The following RAB3C variants were observed in gnomAD, a reference collection of about 807,000 sequenced individuals.
The protein encoded by RAB3C is RAB3C, member RAS oncogene family.
A neutral mutation model predicts 26.4 loss-of-function variants in RAB3C; 17 were observed. That is an observed-to-expected ratio of 0.64 (90% CI 0.44 to 0.97). The LOEUF (loss-of-function observed/expected upper bound fraction) is 0.97, where lower values mean the gene tolerates loss of function less well. Among genes scored for constraint, RAB3C ranks in the 50% least tolerant of loss-of-function variants. The pLI is 0.00. For missense variants in RAB3C, 242 were observed against 281.9 expected, an observed-to-expected ratio of 0.86 and a Z score of 1.01; for synonymous variants, 91 against 95.9, an observed-to-expected ratio of 0.95 and a Z score of 0.30.
At chr5:58,669,255 T>C (rs1411355823) in intron 2 of RAB3C, among the ~76,000 whole-genome samples, 1 of 152,210 alleles carries the variant, frequency 6.6e-6, no homozygotes, top group African/African-American at 2.4e-5. Flanking sequence ...ATGTGTCCTG[T>C]GTTTTTGCTA....
At position 58,858,580 on chromosome 5, in the gene RAB3C, A is replaced by G. The variant is rs186699223; in HGVS notation, c.*7229A>G. 3.9e-5 allele frequency: 6 copies of G among 152,330 alleles called. No individual in the cohort carries two copies. The highest frequency in any genetic ancestry group is 2.6e-4 in the Admixed American group (4 of 15,292). 9.4% of individuals were successfully genotyped at this position (152,330 alleles called of 1,614,324 possible). ...AACTGGAAGAGTCAGAGAGGGCTCC[A>G]TTGAAGAGGTCAAACATAATTCCGG... On this transcript the variant is annotated 3_prime_UTR_variant, in exon 5 of 5. Transcript: ENST00000282878.
chr5:58,730,821 TA>T lies in RAB3C; in HGVS notation c.371+4704del, dbSNP rs539246638. Among the ~76,000 whole-genome samples the T allele has an allele frequency of 7.6e-3, 1,157 of 152,248 alleles. 8 individuals carry two copies. The highest frequency in any genetic ancestry group is 0.013 in the Non-Finnish European group (860 of 68,006). On this transcript the variant is annotated intron_variant, in intron 3 of 4. Coordinates refer to ENST00000282878, the MANE Select transcript of RAB3C (RefSeq NM_138453.4). ...TATTAGTCTGTTCTCAAACTGATAA[TA>T]AAGACAGCCAAGACTGGGTAATTTA...
chr5:58,643,640 C>T (rs901348610), intron 2 of RAB3C, among the ~76,000 whole-genome samples: 1 of 152,066 alleles, frequency 6.6e-6, no homozygotes, highest in Admixed American at 6.5e-5. Flanking sequence ...TGCAATACTG[C>T]ACTCCAACAT....
Position 58,690,909 on chromosome 5 carries a change from G to C in RAB3C, c.253-35093G>C, listed in dbSNP as rs77648542. Reference sequence around the variant, plus strand: ...AGATTTGTAATAACTAATAAATCCAGTTACCACATTTAAAAAGTATAGCAA... The same window carrying C: ...AGATTTGTAATAACTAATAAATCCACTTACCACATTTAAAAAGTATAGCAA... On this transcript the variant is annotated intron_variant, in intron 2 of 4. Coordinates refer to ENST00000282878, the MANE Select transcript of RAB3C (RefSeq NM_138453.4). Among the ~76,000 whole-genome samples, 173 of 152,094 alleles carry C rather than the reference G, an allele frequency of 1.1e-3. 2 individuals are homozygous for C. In the East Asian group the frequency reaches 0.031, roughly 27 times the overall value.
chr5:58,712,008 C>G (rs1448590374), intron 2 of RAB3C, among the ~76,000 whole-genome samples: 3 of 152,140 alleles, frequency 2.0e-5, no homozygotes, highest in Non-Finnish European at 4.4e-5. Context: ...AGATGAACAT[C>G]AGTGTCAGCC....
intron 2 of RAB3C, among the ~76,000 whole-genome samples, chr5:58,645,064 A>G (rs1409873366): frequency 6.6e-6 from 1 of 152,222 alleles, no homozygotes; most frequent in African/African-American, 2.4e-5. Flanking sequence ...TTTCCCAGAG[A>G]GTGTTTGAGG....
chr5:58,838,812 T>C (rs1743806050), intron 4 of RAB3C, among the ~76,000 whole-genome samples: 1 of 152,228 alleles, frequency 6.6e-6, no homozygotes, highest in African/African-American at 2.4e-5. Context: ...ATTATATTAT[T>C]GAACTATTAT....
rs906241181 is a variant in RAB3C at position 58,855,618 on chromosome 5, A to C, written c.*4267A>C. The C allele has an allele frequency of 4.6e-5, 7 of 152,176 alleles. No individual in the cohort carries two copies. The highest frequency in any genetic ancestry group is 1.7e-4 in the African/African-American group (7 of 41,450). 9.4% of individuals were successfully genotyped at this position (152,176 alleles called of 1,614,324 possible). ...CTTCGCTTTAGTAGTTTGCCTGTAA[A>C]ATGGTGAAGTCTTTCTGATATGCTG... On this transcript the variant is annotated 3_prime_UTR_variant, in exon 5 of 5. Transcript: ENST00000282878.
At position 58,736,616 on chromosome 5, in the gene RAB3C, T is replaced by C. The variant is rs934682610; in HGVS notation, c.371+10496T>C. 7.2e-5 allele frequency among the ~76,000 whole-genome samples: 11 copies of C among 152,228 alleles called. No homozygotes were observed. In the East Asian group the frequency reaches 9.6e-4, roughly 13 times the overall value. On this transcript the variant is annotated intron_variant, in intron 3 of 4. Transcript: ENST00000282878. Reference sequence around the variant, plus strand: ...ACCAGTGCAGCCCATTGAAAACATCTTCACATTATCTTTTCTATATTAAAG... The same window carrying C: ...ACCAGTGCAGCCCATTGAAAACATCCTCACATTATCTTTTCTATATTAAAG...
At chr5:58,692,158 T>C (rs538856351) in intron 2 of RAB3C, among the ~76,000 whole-genome samples, 1 of 152,330 alleles carries the variant, frequency 6.6e-6, no homozygotes, top group East Asian at 1.9e-4. Flanking sequence ...AATAAGGTTG[T>C]ATATGCAATT....
chr5:58,802,717 C>G (rs1194340195), intron 3 of RAB3C, among the ~76,000 whole-genome samples: 2 of 152,116 alleles, frequency 1.3e-5, no homozygotes, highest in African/African-American at 2.4e-5. Context: ...TGAATTCACA[C>G]AGGTTTAGAT....
chr5:58,609,308 C>T (rs1317724652), intron 1 of RAB3C, among the ~76,000 whole-genome samples: 1 of 152,074 alleles, frequency 6.6e-6, no homozygotes, highest in Non-Finnish European at 1.5e-5. Flanking sequence ...TTACATTTTA[C>T]CTTCAGGAGC....
intron 3 of RAB3C, among the ~76,000 whole-genome samples, chr5:58,732,839 A>G (rs145942534): frequency 1.7e-4 from 26 of 152,248 alleles, no homozygotes; most frequent in South Asian, 8.3e-4. Flanking sequence ...AATTCTTTCT[A>G]GTTTCTGAAC....
At chr5:58,703,141 T>C (rs2111882934) in intron 2 of RAB3C, among the ~76,000 whole-genome samples, 1 of 152,326 alleles carries the variant, frequency 6.6e-6, no homozygotes, top group East Asian at 1.9e-4. Context: ...GCAGCCAAAT[T>C]TGGACTCTCC....
intron 2 of RAB3C, among the ~76,000 whole-genome samples, chr5:58,720,126 A>G (rs950184171): frequency 3.9e-5 from 6 of 151,918 alleles, no homozygotes; most frequent in Non-Finnish European, 7.4e-5. Flanking sequence ...TTAAATTGCT[A>G]TGCTGTCTAG....
chr5:58,654,915 T>C (rs1406922083), intron 2 of RAB3C, among the ~76,000 whole-genome samples: 1 of 152,180 alleles, frequency 6.6e-6, no homozygotes, highest in East Asian at 1.9e-4. Flanking sequence ...TATATTTCTG[T>C]AGGTGAGACA....
At chr5:58,737,414 T>C (rs1254354287) in intron 3 of RAB3C, among the ~76,000 whole-genome samples, 3 of 83,294 alleles carry the variant, frequency 3.6e-5, no homozygotes, top group African/African-American at 2.0e-4. Context: ...TATATATATA[T>C]ATATATATAT....
At chr5:58,821,021 A>G (rs1471122349) in intron 3 of RAB3C, among the ~76,000 whole-genome samples, 1 of 152,172 alleles carries the variant, frequency 6.6e-6, no homozygotes, top group Non-Finnish European at 1.5e-5. Context: ...TACCTTCCTG[A>G]CCTTCACAAA....
chr5:58,653,106 T>G (rs1195752172), intron 2 of RAB3C, among the ~76,000 whole-genome samples: 1 of 152,112 alleles, frequency 6.6e-6, no homozygotes, highest in Non-Finnish European at 1.5e-5. Flanking sequence ...ATGTTTCTCC[T>G]AATGCTATCC....
Sources: gnomAD v4.1 joint callset for allele counts (sites outside exome capture counted in the v4.1 genomes callset) on GRCh38, gnomAD v4.1.1 for gene constraint, MANE v1.5 for transcripts, NCBI Gene and HGNC (gene_info 2026-07-23, HGNC 2026-07-21) for gene names.